The following ADAMTSL1 variants were observed in gnomAD, a reference collection of about 807,000 sequenced individuals.
ADAMTSL1 encodes ADAMTS like 1.
A neutral mutation model predicts 201.8 loss-of-function variants in ADAMTSL1; 126 were observed. The ratio of observed to expected loss-of-function variants is 0.62; its 90% CI spans 0.54 to 0.72. The LOEUF (loss-of-function observed/expected upper bound fraction) is 0.72, where lower values mean the gene tolerates loss of function less well. ADAMTSL1 is among the 30% of genes least tolerant of loss of function. ADAMTSL1 has a pLI of 0.00. For synonymous variants in ADAMTSL1, 1,121 were observed against 903.4 expected (o/e 1.24, Z -4.32); for missense variants, 2,679 against 2,277.8 (o/e 1.18, Z -3.59).
At chr9:18,516,871 C>A (rs866920775) in intron 2 of ADAMTSL1, among the ~76,000 whole-genome samples, 3 of 152,168 alleles carry the variant, frequency 2.0e-5, no homozygotes, top group African/African-American at 4.8e-5. Context: ...GCAAAAACTG[C>A]TCTTCATATA....
chr9:18,908,508 A>C lies in ADAMTSL1; in HGVS notation c.5249A>C (p.Gln1750Pro). The C allele has an allele frequency of 6.4e-7, 1 of 1,564,100 alleles. No homozygotes were observed. The highest frequency in any genetic ancestry group is 8.7e-7 in the Non-Finnish European group (1 of 1,154,278). The change falls in exon 29 of 29, where the codon CAG becomes CCG. Residue 1750 changes from glutamine (Q) to proline (P), a missense_variant. Transcript: ENST00000380548. ...CAGCTGAAACTCTGCCAACTCAGCC[A>C]GTTTAAATCTCGCTGCTGTGGAACT... ...VKQLKLCQLS[Q>P]FKSRCCGTCG...
chr9:18,076,899 C>T (rs1275565307), intron 1 of ADAMTSL1, among the ~76,000 whole-genome samples: 13 of 151,970 alleles, frequency 8.6e-5, no homozygotes, highest in African/African-American at 7.3e-5. Flanking sequence ...TTTAGGTGAA[C>T]CATACAAGGT....
chr9:18,770,134 G>A (rs1820607572), intron 16 of ADAMTSL1, among the ~76,000 whole-genome samples: 1 of 152,202 alleles, frequency 6.6e-6, no homozygotes, highest in Non-Finnish European at 1.5e-5. Flanking sequence ...CCCATTCCGT[G>A]TGGTAGAGTG....
intron 2 of ADAMTSL1, among the ~76,000 whole-genome samples, chr9:18,189,913 A>G (rs1440878100): frequency 6.6e-6 from 1 of 152,218 alleles, no homozygotes; most frequent in Non-Finnish European, 1.5e-5. Context: ...AAGTAAGTCA[A>G]ATAAGCATAT....
chr9:18,130,993 A>C (rs779368916), intron 1 of ADAMTSL1, among the ~76,000 whole-genome samples: 6 of 152,208 alleles, frequency 3.9e-5, no homozygotes, highest in Non-Finnish European at 7.3e-5. Flanking sequence ...CCTCAAGAGC[A>C]TGTTAAGAAG....
rs1024181407 is a variant in ADAMTSL1 at position 18,529,528 on chromosome 9, G to A, written c.192-3719G>A. On this transcript the variant is annotated intron_variant, in intron 2 of 28. Transcript: ENST00000380548. ...CTCAGTTTTCTCATCTATTAAATAG[G>A]AATAATAAAATTTTGCGAGTTGTTG... 2.6e-5 allele frequency among the ~76,000 whole-genome samples: 4 copies of A among 152,208 alleles called. No homozygotes were observed. The East Asian group carries it at 7.7e-4, about 29-fold the overall frequency.
At chr9:18,563,177 G>C (rs1427542846) in intron 3 of ADAMTSL1, among the ~76,000 whole-genome samples, 1 of 152,090 alleles carries the variant, frequency 6.6e-6, no homozygotes, top group East Asian at 1.9e-4. Flanking sequence ...TTTGATTTTG[G>C]TGACTGAATG....
chr9:18,716,900 A>G (rs533753251), intron 14 of ADAMTSL1, among the ~76,000 whole-genome samples: 191 of 139,244 alleles, frequency 1.4e-3, no homozygotes, highest in African/African-American at 4.6e-3. Flanking sequence ...ATGGAATACT[A>G]TGCAGCCATA....
chr9:17,950,614 A>G (rs540996888), intron 1 of ADAMTSL1, among the ~76,000 whole-genome samples: 1 of 152,078 alleles, frequency 6.6e-6, no homozygotes, highest in African/African-American at 2.4e-5. Flanking sequence ...TCTCATACTG[A>G]TACATAAGAG....
At chr9:18,344,620 T>G (rs1045351699) in intron 2 of ADAMTSL1, among the ~76,000 whole-genome samples, 1 of 152,164 alleles carries the variant, frequency 6.6e-6, no homozygotes, top group Non-Finnish European at 1.5e-5. Flanking sequence ...CAATCCCAAG[T>G]GTGTACAGTG....
intron 4 of ADAMTSL1, among the ~76,000 whole-genome samples, chr9:18,611,369 A>G (rs1375664822): frequency 6.6e-6 from 1 of 152,168 alleles, no homozygotes; most frequent in East Asian, 1.9e-4. Flanking sequence ...CAGCCTGCTA[A>G]AGAGCAGTCC....
intron 2 of ADAMTSL1, among the ~76,000 whole-genome samples, chr9:18,363,836 G>T (rs925881976): frequency 6.6e-6 from 1 of 152,142 alleles, no homozygotes; most frequent in African/African-American, 2.4e-5. Flanking sequence ...AGGAAGAGGT[G>T]AAGAATGAAA....
chr9:18,392,023 A>T (rs373495755), intron 2 of ADAMTSL1, among the ~76,000 whole-genome samples: 53 of 151,640 alleles, frequency 3.5e-4, no homozygotes, highest in African/African-American at 1.1e-3. Flanking sequence ...CCGGGGTTTC[A>T]CCATGTTAGC....
intron 2 of ADAMTSL1, among the ~76,000 whole-genome samples, chr9:18,201,374 A>G (rs1829438104): frequency 6.6e-6 from 1 of 152,102 alleles, no homozygotes; most frequent in Non-Finnish European, 1.5e-5. Context: ...ATGCTTTGTT[A>G]TGCTAAATTT....
intron 2 of ADAMTSL1, among the ~76,000 whole-genome samples, chr9:18,375,322 G>T (rs969551613): frequency 6.6e-6 from 1 of 152,084 alleles, no homozygotes; most frequent in Non-Finnish European, 1.5e-5. Context: ...TTACTGGTGG[G>T]CTAATTGCTA....
intron 2 of ADAMTSL1, among the ~76,000 whole-genome samples, chr9:18,383,599 G>A (rs1837654404): frequency 6.6e-6 from 1 of 152,096 alleles, no homozygotes; most frequent in Non-Finnish European, 1.5e-5. Context: ...TAACAGATGT[G>A]AGGCTTCTCA....
intron 3 of ADAMTSL1, among the ~76,000 whole-genome samples, chr9:18,547,477 A>G (rs967003504): frequency 1.3e-5 from 2 of 151,946 alleles, no homozygotes; most frequent in African/African-American, 4.8e-5. Context: ...TGGCTCCAAG[A>G]CTGAAATAAA....
chr9:18,623,272 C>T (rs1287232512), intron 5 of ADAMTSL1, among the ~76,000 whole-genome samples: 1 of 151,570 alleles, frequency 6.6e-6, no homozygotes, highest in East Asian at 1.9e-4. Context: ...ACTTATTAGA[C>T]ATGTACTTGC....
chr9:18,340,642 A>G (rs567560031), intron 2 of ADAMTSL1, among the ~76,000 whole-genome samples: 1 of 152,242 alleles, frequency 6.6e-6, no homozygotes, highest in East Asian at 1.9e-4. Flanking sequence ...TAATTGAATC[A>G]TGGGGATGGG....
Sources: allele counts gnomAD v4.1 joint callset (sites outside exome capture counted in the v4.1 genomes callset), GRCh38; gene constraint gnomAD v4.1.1; transcripts MANE v1.5; gene names NCBI Gene and HGNC (gene_info 2026-07-23, HGNC 2026-07-21).